The following MRC2 variants were observed in gnomAD, a reference collection of about 807,000 sequenced individuals.
MRC2 encodes mannose receptor C-type 2, also known as C-type mannose receptor 2.
MRC2 carries 84 observed loss-of-function variants against 206.2 expected under a neutral mutation model. The observed-to-expected ratio is 0.41, with a 90% confidence interval of 0.34 to 0.49. The LOEUF is 0.49. Ranked by LOEUF, MRC2 falls within the 20% of genes least tolerant of loss-of-function variation. The pLI is 0.31. For missense variants in MRC2, 1,676 were observed against 2,001.5 expected (o/e 0.84, Z 3.10); for synonymous variants, 798 against 800.0 (o/e 1.00, Z 0.04).
chr17:62,662,239 G>T (rs1013552105), intron 1 of MRC2, among the ~76,000 whole-genome samples: 2 of 148,420 alleles, frequency 1.3e-5, no homozygotes, highest in Admixed American at 6.6e-5. Flanking sequence ...GACAGAGCGG[G>T]ACTCTGTCTC....
At position 62,666,666 on chromosome 17, in the gene MRC2, C is replaced by G; in HGVS notation, c.859+47C>G. On this transcript the variant is annotated intron_variant, in intron 4 of 29. Transcript: ENST00000303375. This position sits in a 1 kb window ranked among gnomAD's most constrained non-coding sequence, Gnocchi z 5.0. ...GCTCGTGCCTCTGGAGGGCCCGGGC[C>G]CTTTCCGCTTGTGGGTTGGGGAGAG... The G allele has an allele frequency of 6.5e-7, 1 of 1,549,920 alleles. No individual in the cohort carries two copies. The highest frequency in any genetic ancestry group is 8.7e-7 in the Non-Finnish European group (1 of 1,146,562).
In MRC2 at chr17:62,666,887, G is replaced by C; in HGVS notation, c.973+17G>C. ...GGGAGAGTGGTGAGGCACAAGGTTG[G>C]GGGCGCAGGGCAGCATAGGGGCCCC... On this transcript the variant is annotated intron_variant, in intron 5 of 29. Transcript: ENST00000303375. The surrounding 1 kb of genome is among the most constrained non-coding windows in gnomAD (Gnocchi z 5.0). 1 of 1,609,896 alleles carries C rather than the reference G, an allele frequency of 6.2e-7. No individual in the cohort carries two copies. Among genetic ancestry groups the C allele is most frequent in the Non-Finnish European group, 8.5e-7 (1 of 1,176,758 alleles).
At chr17:62,681,738 C>T in intron 18 of MRC2, 99 bp from the exon 19 acceptor site, 2 of 928,896 alleles carry the variant, frequency 2.2e-6, no homozygotes, top group East Asian at 2.6e-5. Flanking sequence ...AGAACCTGGG[C>T]CCTTCCCTGC....
intron 20 of MRC2, among the ~76,000 whole-genome samples, chr17:62,684,161 A>G (rs1367784016): frequency 6.6e-6 from 1 of 152,254 alleles, no homozygotes; most frequent in Admixed American, 6.5e-5. Context: ...GTTGAAAATC[A>G]AAGTTATTTC....
At chr17:62,673,995 T>G in intron 8 of MRC2, 68 bp from the exon 9 acceptor site, 1 of 1,266,948 alleles carries the variant, frequency 7.9e-7, no homozygotes, top group Non-Finnish European at 1.1e-6. Flanking sequence ...GGAACCAGAT[T>G]CCAAGAAGGA....
intron 1 of MRC2, among the ~76,000 whole-genome samples, chr17:62,654,115 T>C (rs569792258): frequency 6.6e-6 from 1 of 151,210 alleles, no homozygotes; most frequent in South Asian, 2.1e-4. Flanking sequence ...GGCCTCTGGC[T>C]CTCCCTGGGA....
intron 13 of MRC2, among the ~76,000 whole-genome samples, chr17:62,679,200 A>C (rs534815247): frequency 6.6e-6 from 1 of 152,302 alleles, no homozygotes; most frequent in Admixed American, 6.5e-5. Flanking sequence ...CTGATAGCTT[A>C]ATTGAAGGGA....
intron 1 of MRC2, among the ~76,000 whole-genome samples, chr17:62,663,236 A>C (rs1488025395): frequency 3.1e-5 from 3 of 97,464 alleles, no homozygotes; most frequent in Admixed American, 1.5e-4. Context: ...CCTACCATCC[A>C]TCCCTCCCTC....
chr17:62,676,295 C>T, intron 10 of MRC2, 88 bp from the exon 11 acceptor site: 2 of 1,538,412 alleles, frequency 1.3e-6, no homozygotes, highest in East Asian at 2.3e-5. Flanking sequence ...GGGTGCAGCA[C>T]CCGAGCTCCC....
In MRC2 at chr17:62,692,674, TG is replaced by T. The variant is rs554971100; in HGVS notation, c.*230del. ...GAGTGCAGCGTGGCGTTTCCCTTTC[TG>T]GGGGGGCCTGAGGTCTTGTCACCTG... On this transcript the variant is annotated 3_prime_UTR_variant, in exon 30 of 30. Transcript: ENST00000303375. This position sits in a 1 kb window ranked among gnomAD's most constrained non-coding sequence, Gnocchi z 4.2. 8.1e-4 allele frequency: 430 copies of T among 528,610 alleles called. 1 individual carries two copies. Among genetic ancestry groups the T allele is most frequent in the African/African-American group, 7.3e-3 (385 of 52,578 alleles). 32.7% of individuals were successfully genotyped at this position (528,610 alleles called of 1,614,324 possible).
rs1166656458 is a variant in MRC2 at position 62,674,199 on chromosome 17, T to C, written c.1569+29T>C. 12 of 1,487,048 alleles carry C rather than the reference T, an allele frequency of 8.1e-6. No homozygotes were observed. The South Asian group carries it at 1.5e-4, about 18-fold the overall frequency. 92.1% of individuals were successfully genotyped at this position (1,487,048 alleles called of 1,614,324 possible). A position where few individuals can be genotyped will look rare whatever the true frequency, so the allele number is the denominator to read the frequency against. Reference sequence around the variant, plus strand: ...AGGGTGTTTCTGGAGCTGCCCTGAGTGGGGCCACCTGTCAGAGGGGCTACC... The same window carrying C: ...AGGGTGTTTCTGGAGCTGCCCTGAGCGGGGCCACCTGTCAGAGGGGCTACC... On this transcript the variant is annotated intron_variant, in intron 9 of 29. Transcript: ENST00000303375.
chr17:62,673,001 A>AAAT lies in MRC2; in HGVS notation c.1461+851_1461+852insTAA, dbSNP rs967933922. Among the ~76,000 whole-genome samples, 13 of 150,686 alleles carry AAAT rather than the reference A, an allele frequency of 8.6e-5. No homozygotes were observed. In the South Asian group the frequency reaches 1.1e-3, roughly 12 times the overall value. ...AGCAAGACCCTGTCTCAAAAAAAAA[A>AAAT]AAATAAAATAAAAAGGAGAAAGCCG... On this transcript the variant is annotated intron_variant, in intron 8 of 29. Transcript: ENST00000303375.
At position 62,689,054 on chromosome 17, in the gene MRC2, G is replaced by A. The variant is rs544269076; in HGVS notation, c.3334+94G>A. ...CCAGGAGGAAGGAATCATGGTCCCT[G>A]GCAGAGCAGGGCTCTGCTTGGGAAG... On this transcript the variant is annotated intron_variant, in intron 23 of 29. Coordinates refer to ENST00000303375, the MANE Select transcript of MRC2 (RefSeq NM_006039.5). 1.0e-5 allele frequency: 10 copies of A among 981,680 alleles called. No individual in the cohort carries two copies. The African/African-American group carries it at 1.6e-4, about 16-fold the overall frequency. 60.8% of individuals were successfully genotyped at this position (981,680 alleles called of 1,614,324 possible).
chr17:62,680,000 G>T, intron 14 of MRC2, 98 bp downstream of exon 14: 1 of 1,458,254 alleles, frequency 6.9e-7, no homozygotes, highest in Non-Finnish European at 9.3e-7. Context: ...TTTCTTGAGG[G>T]CCGGGCCCCC....
chr17:62,679,727 C>G, intron 13 of MRC2, 73 bp from the exon 14 acceptor site: 1 of 1,440,680 alleles, frequency 6.9e-7, no homozygotes, highest in Non-Finnish European at 9.6e-7. Context: ...CTGCAAGGGA[C>G]AGGGGGCACG....
intron 1 of MRC2, among the ~76,000 whole-genome samples, chr17:62,644,754 C>T (rs961448855): frequency 6.6e-6 from 1 of 152,058 alleles, no homozygotes; most frequent in African/African-American, 2.4e-5. Flanking sequence ...CCCGCAGATC[C>T]TCATTTGGGA....
chr17:62,688,478 C>A (rs1444605424), intron 21 of MRC2, 23 bp from the exon 22 acceptor site: 1 of 1,614,062 alleles, frequency 6.2e-7, no homozygotes, highest in Non-Finnish European at 8.5e-7. Context: ...GAGTCACTCA[C>A]AACTGTCTTC....
At chr17:62,650,388 C>T (rs1036804725) in intron 1 of MRC2, among the ~76,000 whole-genome samples, 6 of 152,248 alleles carry the variant, frequency 3.9e-5, no homozygotes, top group African/African-American at 1.4e-4. Context: ...TGCACCAGCT[C>T]TTGTGGCTGG....
At chr17:62,673,547 C>T (rs953520501) in intron 8 of MRC2, among the ~76,000 whole-genome samples, 2 of 146,264 alleles carry the variant, frequency 1.4e-5, no homozygotes, top group African/African-American at 5.1e-5. Context: ...TTCACCCTGT[C>T]GCCCAGGCTG....
Sources: gnomAD v4.1 joint callset for allele counts (sites outside exome capture counted in the v4.1 genomes callset) on GRCh38, gnomAD v4.1.1 for gene constraint, Gnocchi (gnomAD v3.1) non-coding constraint, MANE v1.5 for transcripts, NCBI Gene and HGNC (gene_info 2026-07-23, HGNC 2026-07-21) for gene names.